Variants in RUNX1 observed in about 807,000 individuals in gnomAD.
The protein encoded by RUNX1 is runt-related transcription factor 1.
RUNX1 carries 19 observed loss-of-function variants against 42.8 expected under a neutral mutation model. That is an observed-to-expected ratio of 0.44 (90% CI 0.31 to 0.65). The LOEUF is 0.65. Ranked by LOEUF, RUNX1 falls within the 30% of genes least tolerant of loss-of-function variation. The pLI is 0.07. For missense variants in RUNX1, 528 were observed against 672.0 expected, an observed-to-expected ratio of 0.79 and a Z score of 2.37; for synonymous variants, 271 against 289.4, an observed-to-expected ratio of 0.94 and a Z score of 0.64.
chr21:34,788,095 C>A lies in RUNX1; in HGVS notation c.*4040G>T. On this transcript the variant is annotated 3_prime_UTR_variant, in exon 9 of 9. Coordinates refer to ENST00000675419, the MANE Select transcript of RUNX1 (RefSeq NM_001754.5). ...CTCTCATGTCATCTGGCTGAAGACA[C>A]CAGCTTGACAGTTCCCCTTTAAGAA... The A allele has an allele frequency of 4.3e-6, 1 of 233,246 alleles. No homozygotes were observed. Among genetic ancestry groups the A allele is most frequent in the African/African-American group, 2.2e-5 (1 of 45,448 alleles). 14.4% of individuals were successfully genotyped at this position (233,246 alleles called of 1,614,324 possible).
Position 35,023,332 on chromosome 21 carries a change from C to T in RUNX1, c.58+25510G>A, listed in dbSNP as rs1027926140. ...TGCAAAACTCCGGAAAATTAACAAT[C>T]AAGTCTTGTGAGATGATGCAAACAG... is the stretch of plus-strand genomic sequence containing the variant. On this transcript the variant is annotated intron_variant, in intron 2 of 8. Transcript: ENST00000675419. Among the ~76,000 whole-genome samples, 4 of 152,186 alleles carry T rather than the reference C, an allele frequency of 2.6e-5. No homozygotes were observed. The East Asian group carries it at 7.7e-4, about 29-fold the overall frequency.
intron 6 of RUNX1, among the ~76,000 whole-genome samples, chr21:34,858,703 G>A (rs768400283): frequency 1.3e-5 from 2 of 152,136 alleles, no homozygotes; most frequent in Admixed American, 6.5e-5. Flanking sequence ...GATGCTGGGC[G>A]GGGGTGCTGG....
chr21:34,963,797 C>T (rs1015821726), intron 2 of RUNX1, among the ~76,000 whole-genome samples: 7 of 152,142 alleles, frequency 4.6e-5, no homozygotes, highest in African/African-American at 1.4e-4. Flanking sequence ...ATCCAGAGCA[C>T]AGTTAATGTG....
At chr21:35,010,279 C>G (rs1025509551) in intron 2 of RUNX1, among the ~76,000 whole-genome samples, 7 of 151,892 alleles carry the variant, frequency 4.6e-5, no homozygotes, top group Admixed American at 1.3e-4. Flanking sequence ...AAAAACATAT[C>G]CAATATAGAT....
At chr21:34,979,196 C>T (rs1352738560) in intron 2 of RUNX1, among the ~76,000 whole-genome samples, 3 of 152,154 alleles carry the variant, frequency 2.0e-5, no homozygotes, top group African/African-American at 7.2e-5. Context: ...TGACCCACAG[C>T]CCCCGGAATA....
chr21:34,999,821 T>C (rs13051552), intron 2 of RUNX1, among the ~76,000 whole-genome samples: 45,962 of 152,130 alleles, frequency 0.3, 7,925 homozygotes, highest in African/African-American at 0.45. Flanking sequence ...GTGTGACTAT[T>C]GCGTCAGACT....
intron 7 of RUNX1, among the ~76,000 whole-genome samples, chr21:34,810,894 G>T (rs916051658): frequency 1.3e-5 from 2 of 152,164 alleles, no homozygotes; most frequent in Admixed American, 6.5e-5. Flanking sequence ...CACCAGAAAT[G>T]AGACCTTCCT....
Position 34,843,989 on chromosome 21 carries a change from G to A in RUNX1, c.614-9388C>T, listed in dbSNP as rs1256071742. On this transcript the variant is annotated intron_variant, in intron 6 of 8. Coordinates refer to ENST00000675419, the MANE Select transcript of RUNX1 (RefSeq NM_001754.5). The surrounding 1 kb of genome is among the most constrained non-coding windows in gnomAD (Gnocchi z 4.8). ...GTGGAGGCAGTTTCTTAAGAAGGGT[G>A]CAGACAGCTCCCAAATTCAAGGTTT... 1.3e-5 allele frequency among the ~76,000 whole-genome samples: 2 copies of A among 152,156 alleles called. No homozygotes were observed. The highest frequency in any genetic ancestry group is 4.8e-5 in the African/African-American group (2 of 41,432).
intron 7 of RUNX1, chr21:34,821,589 G>T (rs2056909060): frequency 1.3e-6 from 2 of 1,548,318 alleles, no homozygotes. Context: ...TTTCTTCTGA[G>T]TCTCTTCTGA....
intron 2 of RUNX1, among the ~76,000 whole-genome samples, chr21:34,906,658 TA>T (rs892203153): frequency 6.6e-6 from 1 of 152,118 alleles, no homozygotes; most frequent in East Asian, 1.9e-4. Context: ...TGCATTTAAA[TA>T]AAAAAAGGCT....
intron 2 of RUNX1, among the ~76,000 whole-genome samples, chr21:34,900,266 C>A (rs1289674638): frequency 6.6e-6 from 1 of 152,154 alleles, no homozygotes; most frequent in African/African-American, 2.4e-5. Context: ...ATTTATAGCG[C>A]ATCTCAATTT....
chr21:34,805,922 T>A (rs1555886277), intron 7 of RUNX1, among the ~76,000 whole-genome samples: 1 of 152,188 alleles, frequency 6.6e-6, no homozygotes, highest in Non-Finnish European at 1.5e-5. Flanking sequence ...TGATGCTAGA[T>A]GTAGATTAGT....
At chr21:34,983,969 G>A (rs2058866244) in intron 2 of RUNX1, among the ~76,000 whole-genome samples, 1 of 152,158 alleles carries the variant, frequency 6.6e-6, no homozygotes. Flanking sequence ...TAATTCAGCT[G>A]GGGACATATT....
intron 2 of RUNX1, among the ~76,000 whole-genome samples, chr21:34,940,913 T>C (rs1443068780): frequency 6.6e-6 from 1 of 152,220 alleles, no homozygotes; most frequent in African/African-American, 2.4e-5. Flanking sequence ...AGGTCTAGGT[T>C]GCCTTCTCAA....
intron 2 of RUNX1, among the ~76,000 whole-genome samples, chr21:34,903,426 A>G (rs1000404643): frequency 6.6e-6 from 1 of 152,166 alleles, no homozygotes; most frequent in South Asian, 2.1e-4. Context: ...CTAAAATAAA[A>G]TTTTTCCTAT....
At chr21:34,912,171 A>G (rs1243891038) in intron 2 of RUNX1, among the ~76,000 whole-genome samples, 1 of 150,064 alleles carries the variant, frequency 6.7e-6, no homozygotes, top group Admixed American at 6.7e-5. Flanking sequence ...GAATCAATCG[A>G]TGACAATGAA....
At position 34,799,286 on chromosome 21, in the gene RUNX1, T is replaced by C. The variant is rs775558440; in HGVS notation, c.967+15A>G. ...CCCAGCTCAGCTGCAAAGAATGTGT[T>C]TTCAAGTGGCTTACTTGAGAGTCGA... On this transcript the variant is annotated intron_variant, in intron 8 of 8. Coordinates refer to ENST00000675419, the MANE Select transcript of RUNX1 (RefSeq NM_001754.5). 5 of 1,614,012 alleles carry C rather than the reference T, an allele frequency of 3.1e-6. No homozygotes were observed. The highest frequency in any genetic ancestry group is 1.6e-4 in the Middle Eastern group (1 of 6,082).
chr21:34,876,249 AGGCCTGGCCAGT>A (rs2057812106), intron 5 of RUNX1, among the ~76,000 whole-genome samples: 1 of 152,182 alleles, frequency 6.6e-6, no homozygotes, highest in South Asian at 2.1e-4. Context: ...GGCCATCCAA[AGGCCTGGCCAGT>A]GGTTTCAAGG....
intron 7 of RUNX1, among the ~76,000 whole-genome samples, chr21:34,824,557 C>T (rs2056961048): frequency 6.6e-6 from 1 of 152,128 alleles, no homozygotes; most frequent in African/African-American, 2.4e-5. Context: ...AACAATTGGG[C>T]TATTCTACTG....
Sources: allele counts gnomAD v4.1 joint callset (sites outside exome capture counted in the v4.1 genomes callset), GRCh38; gene constraint gnomAD v4.1.1; non-coding constraint Gnocchi (gnomAD v3.1); transcripts MANE v1.5; gene names NCBI Gene and HGNC (gene_info 2026-07-23, HGNC 2026-07-21).